The following CDH13 variants were observed in gnomAD, a reference collection of about 807,000 sequenced individuals.
CDH13 encodes cadherin 13.
In CDH13, 24 loss-of-function variants were observed where a neutral mutation model predicts 63.8. The ratio of observed to expected loss-of-function variants is 0.38; its 90% CI spans 0.27 to 0.53. CDH13 has a LOEUF of 0.53. Among genes scored for constraint, CDH13 ranks in the 20% least tolerant of loss-of-function variants. The pLI, the probability that CDH13 is intolerant of heterozygous loss-of-function variation, is 0.85. For missense variants in CDH13, 1,049 were observed against 903.1 expected, an observed-to-expected ratio of 1.16 and a Z score of -2.07; for synonymous variants, 503 against 355.3, an observed-to-expected ratio of 1.42 and a Z score of -4.67.
intron 1 of CDH13, among the ~76,000 whole-genome samples, chr16:82,704,882 C>G (rs898894572): frequency 5.3e-5 from 8 of 152,256 alleles, no homozygotes; most frequent in African/African-American, 1.9e-4. Context: ...TGAGCCATAA[C>G]ACGCAAAAGC....
intron 11 of CDH13, chr16:83,772,807 A>G (rs899686327): frequency 3.3e-5 from 5 of 152,276 alleles, no homozygotes; most frequent in African/African-American, 1.2e-4. Context: ...CCTGTGGCTT[A>G]CCTGGATTAT....
At chr16:83,011,608 T>C (rs1468068511) in intron 2 of CDH13, among the ~76,000 whole-genome samples, 1 of 152,186 alleles carries the variant, frequency 6.6e-6, no homozygotes, top group African/African-American at 2.4e-5. Flanking sequence ...ACAAGAAACA[T>C]GCATACACAC....
At chr16:83,108,209 C>T (rs1268947390) in intron 3 of CDH13, among the ~76,000 whole-genome samples, 1 of 152,162 alleles carries the variant, frequency 6.6e-6, no homozygotes, top group East Asian at 1.9e-4. Context: ...TGATGCATCT[C>T]CACTATACAC....
intron 1 of CDH13, among the ~76,000 whole-genome samples, chr16:82,719,125 G>A (rs772039156): frequency 2.0e-5 from 3 of 152,174 alleles, no homozygotes; most frequent in Non-Finnish European, 4.4e-5. Flanking sequence ...GTGAAGTCCT[G>A]TGGAAAGGTT....
intron 7 of CDH13, among the ~76,000 whole-genome samples, chr16:83,553,941 A>T (rs1358433737): frequency 1.3e-5 from 2 of 152,198 alleles, no homozygotes; most frequent in African/African-American, 4.8e-5. Context: ...ATTGTAGATA[A>T]TTTTGTGTCT....
At chr16:82,695,471 C>G (rs373747050) in intron 1 of CDH13, among the ~76,000 whole-genome samples, 1 of 152,162 alleles carries the variant, frequency 6.6e-6, no homozygotes, top group African/African-American at 2.4e-5. Context: ...AGGGTTAGCA[C>G]GTGGCTCCAA....
At chr16:83,315,647 A>T (rs2090090010) in intron 5 of CDH13, among the ~76,000 whole-genome samples, 1 of 152,078 alleles carries the variant, frequency 6.6e-6, no homozygotes, top group African/African-American at 2.4e-5. Context: ...GATTTAAAAA[A>T]AAAAAACAGC....
At chr16:83,610,374 C>T (rs1210834666) in intron 8 of CDH13, among the ~76,000 whole-genome samples, 3 of 152,066 alleles carry the variant, frequency 2.0e-5, no homozygotes, top group Admixed American at 2.0e-4. Flanking sequence ...TTCTTTTTGT[C>T]ATGTAACTTC....
At chr16:83,288,587 A>G (rs918239860) in intron 5 of CDH13, among the ~76,000 whole-genome samples, 1 of 152,166 alleles carries the variant, frequency 6.6e-6, no homozygotes, top group Admixed American at 6.5e-5. Flanking sequence ...TCCAGGCAGG[A>G]CCTCTCTGCG....
chr16:83,386,987 G>A (rs2091686771), intron 6 of CDH13, among the ~76,000 whole-genome samples: 1 of 152,226 alleles, frequency 6.6e-6, no homozygotes, highest in East Asian at 1.9e-4. Context: ...AGAGACTTTC[G>A]CCTACATTTT....
intron 2 of CDH13, among the ~76,000 whole-genome samples, chr16:83,019,577 C>A (rs1915146191): frequency 6.6e-6 from 1 of 150,792 alleles, no homozygotes; most frequent in African/African-American, 2.4e-5. Flanking sequence ...CTCACTACAG[C>A]CTCTGCCTCC....
At chr16:82,850,639 C>T (rs2039443494) in intron 1 of CDH13, among the ~76,000 whole-genome samples, 1 of 152,146 alleles carries the variant, frequency 6.6e-6, no homozygotes, top group African/African-American at 2.4e-5. Flanking sequence ...CAAATAGCAT[C>T]ACATGCTATA....
chr16:82,819,108 C>T (rs2037871441), intron 1 of CDH13, among the ~76,000 whole-genome samples: 1 of 152,162 alleles, frequency 6.6e-6, no homozygotes, highest in Non-Finnish European at 1.5e-5. Flanking sequence ...GAGAAAAATG[C>T]ACATTCCACA....
chr16:83,483,039 G>T (rs182724564), intron 6 of CDH13, among the ~76,000 whole-genome samples: 3 of 152,290 alleles, frequency 2.0e-5, no homozygotes, highest in Admixed American at 2.0e-4. Flanking sequence ...GTCATCCCAT[G>T]AAATCCTCAC....
intron 1 of CDH13, among the ~76,000 whole-genome samples, chr16:82,714,661 C>T (rs1244437305): frequency 7.4e-6 from 1 of 135,406 alleles, no homozygotes; most frequent in Non-Finnish European, 1.5e-5. Context: ...TTGCAGTGAG[C>T]CGAGATCAAT....
intron 3 of CDH13, among the ~76,000 whole-genome samples, chr16:83,113,455 T>A (rs1358277072): frequency 6.6e-6 from 1 of 152,246 alleles, no homozygotes; most frequent in Non-Finnish European, 1.5e-5. Flanking sequence ...TTAAGTGCTT[T>A]TTAGACACCT....
chr16:83,262,530 C>A (rs1907116311), intron 5 of CDH13, among the ~76,000 whole-genome samples: 1 of 152,142 alleles, frequency 6.6e-6, no homozygotes, highest in Non-Finnish European at 1.5e-5. Context: ...GAAGTATGAA[C>A]ATATTTTACA....
chr16:83,079,545 G>A (rs553130556), intron 3 of CDH13, among the ~76,000 whole-genome samples: 1 of 152,328 alleles, frequency 6.6e-6, no homozygotes, highest in South Asian at 2.1e-4. Context: ...GTAATTTAGT[G>A]AAACAATGTG....
At chr16:83,334,361 T>TCA (rs1208427532) in intron 5 of CDH13, among the ~76,000 whole-genome samples, 94 of 85,610 alleles carry the variant, frequency 1.1e-3, no homozygotes, top group African/African-American at 2.6e-3. Context: ...TCTCTCTCTC[T>TCA]CACACACACA....
Sources: gnomAD v4.1 joint callset for allele counts (sites outside exome capture counted in the v4.1 genomes callset) on GRCh38, gnomAD v4.1.1 for gene constraint, MANE v1.5 for transcripts, NCBI Gene and HGNC (gene_info 2026-07-23, HGNC 2026-07-21) for gene names.